Variants in KCNIP4 observed in about 807,000 individuals in gnomAD.
The protein encoded by KCNIP4 is Kv channel-interacting protein 4.
A neutral mutation model predicts 34.0 loss-of-function variants in KCNIP4; 12 were observed. The observed-to-expected ratio is 0.35, with a 90% CI of 0.23 to 0.57. The LOEUF (loss-of-function observed/expected upper bound fraction) is 0.57. Ranked by LOEUF, KCNIP4 falls within the 20% of genes least tolerant of loss-of-function variation. The pLI is 0.83. For missense variants in KCNIP4, 238 were observed against 311.7 expected (o/e 0.76, Z 1.78); for synonymous variants, 124 against 102.2 (o/e 1.21, Z -1.29).
At chr4:21,431,120 T>C (rs1011746392) in intron 1 of KCNIP4, among the ~76,000 whole-genome samples, 3 of 151,614 alleles carry the variant, frequency 2.0e-5, no homozygotes, top group East Asian at 1.9e-4. Context: ...CAATAATATA[T>C]ATTGAATTAA....
At chr4:21,716,713 T>A (rs942192008) in intron 1 of KCNIP4, among the ~76,000 whole-genome samples, 2 of 152,176 alleles carry the variant, frequency 1.3e-5, no homozygotes, top group African/African-American at 4.8e-5. Flanking sequence ...AGACTGATTA[T>A]TAACCCATTT....
chr4:21,014,863 T>C (rs1172802827), intron 1 of KCNIP4, among the ~76,000 whole-genome samples: 3 of 152,184 alleles, frequency 2.0e-5, no homozygotes, highest in Admixed American at 6.5e-5. Flanking sequence ...ACAACGCCAA[T>C]GTCCATTGAT....
Position 20,741,933 on chromosome 4 carries a change from G to T in KCNIP4, c.430-7198C>A, listed in dbSNP as rs1452241230. Among the ~76,000 whole-genome samples, 183 of 152,230 alleles carry T rather than the reference G, an allele frequency of 1.2e-3. No homozygotes were observed. In the East Asian group the frequency reaches 0.033, roughly 28 times the overall value. ...AATACAAACTACCATCAGAGAATACGATGAACACCTCTATGCGAATAAACT... is the reference window on the plus strand; with the variant it reads ...AATACAAACTACCATCAGAGAATACTATGAACACCTCTATGCGAATAAACT... On this transcript the variant is annotated intron_variant, in intron 5 of 8. Coordinates refer to ENST00000382152, the MANE Select transcript of KCNIP4 (RefSeq NM_025221.6).
At chr4:21,765,157 C>A (rs1455628563) in intron 1 of KCNIP4, among the ~76,000 whole-genome samples, 1 of 85,864 alleles carries the variant, frequency 1.2e-5, no homozygotes, top group Non-Finnish European at 2.4e-5. Flanking sequence ...ATGAAGAGAA[C>A]CTTTTTTTTT....
intron 1 of KCNIP4, among the ~76,000 whole-genome samples, chr4:21,858,517 C>T (rs906815177): frequency 6.6e-6 from 1 of 152,200 alleles, no homozygotes; most frequent in Non-Finnish European, 1.5e-5. Flanking sequence ...ATTTCATTCC[C>T]TAACTCTCCA....
chr4:21,227,044 G>A (rs1371901182), intron 1 of KCNIP4, among the ~76,000 whole-genome samples: 3 of 152,166 alleles, frequency 2.0e-5, no homozygotes, highest in East Asian at 1.9e-4. Context: ...AGGGCATTCA[G>A]TAGAATTCAA....
chr4:21,444,741 C>T (rs1422739090), intron 1 of KCNIP4, among the ~76,000 whole-genome samples: 2 of 152,198 alleles, frequency 1.3e-5, no homozygotes. Context: ...TCTCTCACCA[C>T]TCCTATTCAA....
At chr4:21,602,739 G>A (rs950399565) in intron 1 of KCNIP4, among the ~76,000 whole-genome samples, 3 of 152,108 alleles carry the variant, frequency 2.0e-5, no homozygotes, top group Non-Finnish European at 2.9e-5. Flanking sequence ...ATTTACGTAT[G>A]CCTGTAACTG....
At chr4:20,769,016 C>T (rs1755646184) in intron 3 of KCNIP4, among the ~76,000 whole-genome samples, 1 of 151,164 alleles carries the variant, frequency 6.6e-6, no homozygotes, top group African/African-American at 2.4e-5. Flanking sequence ...GGTTCTCTCC[C>T]CTTCAGTTCT....
At chr4:21,510,464 CA>C (rs566023476) in intron 1 of KCNIP4, among the ~76,000 whole-genome samples, 1 of 150,836 alleles carries the variant, frequency 6.6e-6, no homozygotes, top group Non-Finnish European at 1.5e-5. Flanking sequence ...TACTCTTGAA[CA>C]AAAAAAATCA....
intron 1 of KCNIP4, among the ~76,000 whole-genome samples, chr4:21,688,165 G>A (rs1350965719): frequency 4.6e-5 from 7 of 151,982 alleles, no homozygotes; most frequent in Admixed American, 4.6e-4. Context: ...ACTGTGTTTG[G>A]GTACAGCTGG....
chr4:21,876,122 A>T (rs1185300025), intron 1 of KCNIP4, among the ~76,000 whole-genome samples: 4 of 152,198 alleles, frequency 2.6e-5, no homozygotes, highest in Admixed American at 6.5e-5. Flanking sequence ...ATATTGAAAA[A>T]AGCTATAAAA....
intron 1 of KCNIP4, among the ~76,000 whole-genome samples, chr4:21,520,700 C>G (rs777828503): frequency 6.6e-6 from 1 of 152,082 alleles, no homozygotes; most frequent in Non-Finnish European, 1.5e-5. Flanking sequence ...CTCCTTTTAC[C>G]TTTAACTTGG....
intron 3 of KCNIP4, among the ~76,000 whole-genome samples, chr4:20,759,630 G>C (rs1364096282): frequency 7.0e-6 from 1 of 143,734 alleles, no homozygotes; most frequent in African/African-American, 2.6e-5. Context: ...AGTGGTTTTG[G>C]CATTTTTGCT....
intron 1 of KCNIP4, among the ~76,000 whole-genome samples, chr4:20,975,687 A>T (rs1735418047): frequency 6.6e-6 from 1 of 152,166 alleles, no homozygotes; most frequent in Non-Finnish European, 1.5e-5. Context: ...TTTCCAAAAA[A>T]CAATAAGTCA....
At chr4:20,867,781 C>G (rs1485683386) in intron 2 of KCNIP4, among the ~76,000 whole-genome samples, 1 of 151,882 alleles carries the variant, frequency 6.6e-6, no homozygotes, top group African/African-American at 2.4e-5. Flanking sequence ...ATCGCAAGGA[C>G]AAAAAACCAA....
intron 1 of KCNIP4, among the ~76,000 whole-genome samples, chr4:21,524,028 C>A (rs1173746569): frequency 6.6e-6 from 1 of 152,108 alleles, no homozygotes; most frequent in Non-Finnish European, 1.5e-5. Context: ...TTTTTTCCAT[C>A]CTGTGAAGGG....
chr4:21,416,607 A>G (rs1006337849), intron 1 of KCNIP4, among the ~76,000 whole-genome samples: 1 of 152,214 alleles, frequency 6.6e-6, no homozygotes, highest in African/African-American at 2.4e-5. Flanking sequence ...GAACGAAAGG[A>G]AAATGAATGA....
intron 1 of KCNIP4, among the ~76,000 whole-genome samples, chr4:21,676,869 A>C (rs1749947980): frequency 6.6e-6 from 1 of 152,138 alleles, no homozygotes; most frequent in Admixed American, 6.6e-5. Flanking sequence ...CATAATTAAT[A>C]CTGCAATCAC....
Sources: allele counts gnomAD v4.1 joint callset (sites outside exome capture counted in the v4.1 genomes callset), GRCh38; gene constraint gnomAD v4.1.1; transcripts MANE v1.5; gene names NCBI Gene and HGNC (gene_info 2026-07-23, HGNC 2026-07-21).